The following NSUN3 variants were observed in gnomAD, a reference collection of about 807,000 sequenced individuals.
NSUN3 encodes the protein tRNA (cytosine(34)-C(5))-methyltransferase, mitochondrial.
A neutral mutation model predicts 36.8 loss-of-function variants in NSUN3; 24 were observed. That is an observed-to-expected ratio of 0.65 (90% CI 0.47 to 0.92). The LOEUF is 0.92. Among genes scored for constraint, NSUN3 ranks in the 40% least tolerant of loss-of-function variants. The probability of loss-of-function intolerance (pLI) is 0.00; values close to 1 mark genes in which losing one functional copy is unlikely to be tolerated. For synonymous variants in NSUN3, 146 were observed against 145.2 expected, an observed-to-expected ratio of 1.01 and a Z score of -0.04; for missense variants, 381 against 392.8, an observed-to-expected ratio of 0.97 and a Z score of 0.25.
intron 5 of NSUN3, among the ~76,000 whole-genome samples, chr3:94,112,385 A>G (rs1207159549): frequency 2.0e-5 from 3 of 152,196 alleles, no homozygotes; most frequent in Non-Finnish European, 4.4e-5. Context: ...TTCTGCTACA[A>G]CAACTCCACG....
rs182600625 is a variant in NSUN3 at position 94,068,450 on chromosome 3, A to G, written c.122+3904A>G. On this transcript the variant is annotated intron_variant, in intron 2 of 5. Coordinates refer to ENST00000314622, the MANE Select transcript of NSUN3 (RefSeq NM_022072.5). ...GACAAGGGAGGGTTTTGAAGAACCA[A>G]TACCTTGAGACTTGGGCAAGTCTTC... Among the ~76,000 whole-genome samples, 124 of 152,268 alleles carry G rather than the reference A, an allele frequency of 8.1e-4. No homozygotes were observed. The Middle Eastern group carries it at 0.02, about 25-fold the overall frequency.
chr3:94,090,622 G>A (rs2077311170), intron 3 of NSUN3, among the ~76,000 whole-genome samples: 1 of 152,038 alleles, frequency 6.6e-6, no homozygotes, highest in Non-Finnish European at 1.5e-5. Flanking sequence ...GACAGACTGG[G>A]TACCCTAACC....
chr3:94,103,724 G>A (rs972677765), intron 5 of NSUN3, among the ~76,000 whole-genome samples: 7 of 152,082 alleles, frequency 4.6e-5, no homozygotes, highest in African/African-American at 9.7e-5. Flanking sequence ...TATTCAGGTA[G>A]TTAGGAATAT....
At chr3:94,095,838 CCAAGTT>C (rs1294078084) in intron 5 of NSUN3, among the ~76,000 whole-genome samples, 3 of 152,088 alleles carry the variant, frequency 2.0e-5, no homozygotes, top group Non-Finnish European at 2.9e-5. Context: ...CGTCCACCTC[CCAAGTT>C]CAAGCTATTC....
chr3:94,099,443 C>T (rs1005600601), intron 5 of NSUN3, among the ~76,000 whole-genome samples: 1 of 152,064 alleles, frequency 6.6e-6, no homozygotes, highest in Non-Finnish European at 1.5e-5. Context: ...AGCAAATTGG[C>T]AGGGCACAAA....
At chr3:94,077,239 G>C in intron 2 of NSUN3, 2 of 627,206 alleles carry the variant, frequency 3.2e-6, no homozygotes, top group Admixed American at 5.1e-5. Flanking sequence ...GAGGCTGCAG[G>C]CCGGATTGAT....
chr3:94,066,846 G>A (rs1440951457), intron 2 of NSUN3, among the ~76,000 whole-genome samples: 2 of 152,086 alleles, frequency 1.3e-5, no homozygotes, highest in Non-Finnish European at 2.9e-5. Context: ...TCAATTAAGT[G>A]TATCACCATC....
At chr3:94,103,757 C>T (rs1372341463) in intron 5 of NSUN3, among the ~76,000 whole-genome samples, 5 of 152,106 alleles carry the variant, frequency 3.3e-5, no homozygotes, top group African/African-American at 4.8e-5. Context: ...TTTCCTTACA[C>T]GATCTGATTA....
intron 3 of NSUN3, chr3:94,084,756 T>C (rs2077285108): frequency 4.1e-6 from 1 of 244,318 alleles, no homozygotes; most frequent in Non-Finnish European, 8.0e-6. Flanking sequence ...ACCTTTATAC[T>C]TGAGAGTCTT....
In NSUN3 at chr3:94,129,742, CTTTTTTTTTTTTT is replaced by C. The variant is rs754390863; in HGVS notation, c.*3265_*3277del. Among the ~76,000 whole-genome samples, 14 of 89,950 alleles carry C rather than the reference CTTTTTTTTTTTTT, an allele frequency of 1.6e-4. No individual in the cohort carries two copies. The East Asian group carries it at 4.5e-3, about 29-fold the overall frequency. 59.0% of individuals were successfully genotyped at this position (89,950 alleles called of 152,430 possible). A position where few individuals can be genotyped will look rare whatever the true frequency, so the allele number is the denominator to read the frequency against. Reference sequence around the variant, plus strand: ...TCTATAAATTGTTTATATATGTTGTCTTTTTTTTTTTTTTTTTTTTTTTTTGAGACAGAGTCTT... The same window carrying C: ...TCTATAAATTGTTTATATATGTTGTCTTTTTTTTTTTTGAGACAGAGTCTT... On this transcript the variant is annotated 3_prime_UTR_variant, in exon 6 of 6. Transcript: ENST00000314622.
chr3:94,096,174 T>C (rs1254346405), intron 5 of NSUN3, among the ~76,000 whole-genome samples: 2 of 152,314 alleles, frequency 1.3e-5, no homozygotes, highest in South Asian at 2.1e-4. Context: ...AACTTCTGAC[T>C]GATACACAAC....
rs1419304809 is a variant in NSUN3, at chr3:94,126,250, A to G, written c.783A>G (p.Val261=). The G allele has an allele frequency of 2.5e-6, 4 of 1,614,014 alleles. No individual in the cohort carries two copies. In the African/African-American group the frequency reaches 4.0e-5, roughly 16 times the overall value. The change falls in exon 6 of 6, where the codon GTA becomes GTG. Residue 261 remains valine (V), a synonymous_variant. Transcript: ENST00000314622. Reference sequence around the variant, plus strand: ...CCTTACGTCCTGGAGGGATACTTGTATACTCTACATGCACGCTTTCCAAGG... The same window carrying G: ...CCTTACGTCCTGGAGGGATACTTGTGTACTCTACATGCACGCTTTCCAAGG... ...IKALRPGGIL[V]YSTCTLSKAE...
intron 5 of NSUN3, among the ~76,000 whole-genome samples, chr3:94,102,921 C>T (rs1459185169): frequency 2.0e-5 from 3 of 152,008 alleles, no homozygotes; most frequent in Non-Finnish European, 4.4e-5. Flanking sequence ...GAGTCTCACT[C>T]TGTTGCCCAG....
chr3:94,079,192 A>G (rs1001567291), intron 2 of NSUN3, among the ~76,000 whole-genome samples: 1 of 152,186 alleles, frequency 6.6e-6, no homozygotes, highest in African/African-American at 2.4e-5. Flanking sequence ...TATGAAGCTT[A>G]CTTTGGCTGG....
chr3:94,114,493 T>C (rs2077431644), intron 5 of NSUN3, among the ~76,000 whole-genome samples: 2 of 152,238 alleles, frequency 1.3e-5, no homozygotes, highest in Admixed American at 1.3e-4. Context: ...ATTAAGCTGA[T>C]CACATGTCCT....
chr3:94,101,935 T>A (rs1050418096), intron 5 of NSUN3, among the ~76,000 whole-genome samples: 4 of 152,166 alleles, frequency 2.6e-5, no homozygotes, highest in Admixed American at 6.5e-5. Context: ...AACTGAAGAA[T>A]ATGATTTATA....
rs868414631 is a variant in NSUN3 at position 94,089,320 on chromosome 3, A to T, written c.467-4820A>T. On this transcript the variant is annotated intron_variant, in intron 3 of 5. Transcript: ENST00000314622. ...TGCCTCTCTAAAAATGATAATTGGC[A>T]GCCAGTGCCAGGGAGAGGCAATTTC... Among the ~76,000 whole-genome samples, 6 of 152,286 alleles carry T rather than the reference A, an allele frequency of 3.9e-5. No individual in the cohort carries two copies. The Middle Eastern group carries it at 0.014, about 345-fold the overall frequency.
At chr3:94,101,885 T>TA (rs2077367384) in intron 5 of NSUN3, among the ~76,000 whole-genome samples, 1 of 152,180 alleles carries the variant, frequency 6.6e-6, no homozygotes, top group African/African-American at 2.4e-5. Flanking sequence ...ATGATATTTG[T>TA]ATAAGAGAAG....
chr3:94,107,308 TG>T (rs1357098843), intron 5 of NSUN3, among the ~76,000 whole-genome samples: 3 of 151,794 alleles, frequency 2.0e-5, no homozygotes, highest in Non-Finnish European at 4.4e-5. Flanking sequence ...TTGTTGTTGT[TG>T]TTTGTTTTGA....
Sources: gnomAD v4.1 joint callset for allele counts (sites outside exome capture counted in the v4.1 genomes callset) on GRCh38, gnomAD v4.1.1 for gene constraint, MANE v1.5 for transcripts, NCBI Gene and HGNC (gene_info 2026-07-23, HGNC 2026-07-21) for gene names.